PAM: variants seen among roughly 807,000 people sequenced by gnomAD.
PAM encodes peptidyl-glycine alpha-amidating monooxygenase.
Under a neutral mutation model 122.1 loss-of-function variants are expected in PAM, and 72 were observed. That is an observed-to-expected ratio of 0.59 (90% CI 0.49 to 0.72). The LOEUF (loss-of-function observed/expected upper bound fraction) is 0.72. Ranked by LOEUF, PAM falls within the 30% of genes least tolerant of loss-of-function variation. The pLI is 0.00. For missense variants in PAM, 1,106 were observed against 1,183.7 expected (o/e 0.93, Z 0.96); for synonymous variants, 389 against 404.4 (o/e 0.96, Z 0.46).
At chr5:102,794,486 T>C (rs1762852919) in intron 1 of PAM, among the ~76,000 whole-genome samples, 1 of 152,202 alleles carries the variant, frequency 6.6e-6, no homozygotes, top group African/African-American at 2.4e-5. Context: ...ATTAGTATTA[T>C]TGAATTAGCA....
intron 1 of PAM, among the ~76,000 whole-genome samples, chr5:102,812,542 T>C (rs1046525965): frequency 6.6e-6 from 1 of 152,146 alleles, no homozygotes; most frequent in African/African-American, 2.4e-5. Flanking sequence ...AATCATTTCC[T>C]GGAGAAAAAC....
At chr5:102,763,515 A>T (rs1323575924) in intron 1 of PAM, among the ~76,000 whole-genome samples, 2 of 152,208 alleles carry the variant, frequency 1.3e-5, no homozygotes, top group African/African-American at 4.8e-5. Flanking sequence ...CAACAACAAC[A>T]AATAATTATG....
At position 103,028,215 on chromosome 5, in the gene PAM, G is replaced by A. The variant is rs543056414; in HGVS notation, c.2720G>A (p.Gly907Glu). 2 of 1,612,628 alleles carry A rather than the reference G, an allele frequency of 1.2e-6. No individual in the cohort carries two copies. The highest frequency in any genetic ancestry group is 2.7e-5 in the African/African-American group (2 of 74,990). The change falls in exon 25 of 26, where the codon GGA becomes GAA. Residue 907 changes from glycine to glutamate, a missense_variant. Gly to Glu is a moderately conservative substitution (Grantham distance 98, BLOSUM62 -2). Coordinates refer to ENST00000438793, the MANE Select transcript of PAM (RefSeq NM_001177306.2). ...DSEHKLETSS[G>E]RVLGRFRGKG... ...GAACACAAACTCGAGACGAGTTCAGGAAGAGTACTGGGAAGATTTAGAGGT... is the reference window on the plus strand; with the variant it reads ...GAACACAAACTCGAGACGAGTTCAGAAAGAGTACTGGGAAGATTTAGAGGT...
chr5:102,819,001 T>G (rs1447774804), intron 1 of PAM, among the ~76,000 whole-genome samples: 1 of 152,174 alleles, frequency 6.6e-6, no homozygotes, highest in Non-Finnish European at 1.5e-5. Flanking sequence ...TAATTCTTGA[T>G]GCCAAAATAT....
At chr5:102,948,288 A>G in intron 8 of PAM, 90 bp from the exon 9 acceptor site, 1 of 648,730 alleles carries the variant, frequency 1.5e-6, no homozygotes, top group Non-Finnish European at 2.7e-6. Flanking sequence ...CACATTTTAT[A>G]AACCAAAGTA....
chr5:102,811,434 C>A (rs1311017057), intron 1 of PAM, among the ~76,000 whole-genome samples: 4 of 152,148 alleles, frequency 2.6e-5, no homozygotes, highest in Non-Finnish European at 5.9e-5. Context: ...TTCACTTTGC[C>A]ATCTCTCTGG....
At chr5:102,833,287 T>C (rs1457972618) in intron 1 of PAM, among the ~76,000 whole-genome samples, 1 of 152,194 alleles carries the variant, frequency 6.6e-6, no homozygotes, top group African/African-American at 2.4e-5. Context: ...TGCTTTGTGT[T>C]ATTTATAAAT....
At chr5:102,924,179 C>T (rs547533859) in intron 5 of PAM, among the ~76,000 whole-genome samples, 57 of 152,080 alleles carry the variant, frequency 3.7e-4, no homozygotes, top group South Asian at 6.2e-4. Context: ...CACCTGTAAT[C>T]CCAGCACTTT....
At chr5:102,965,501 C>G (rs1763826638) in intron 14 of PAM, among the ~76,000 whole-genome samples, 3 of 151,892 alleles carry the variant, frequency 2.0e-5, no homozygotes. Context: ...GATTCAGTGT[C>G]TTAAATTCCA....
chr5:102,990,698 G>A (rs1376354585), intron 16 of PAM, among the ~76,000 whole-genome samples: 1 of 152,140 alleles, frequency 6.6e-6, no homozygotes, highest in African/African-American at 2.4e-5. Flanking sequence ...TAACATTAAA[G>A]ATAGTTAAGC....
chr5:102,960,134 TA>T, intron 13 of PAM, 75 bp downstream of exon 13: 1 of 803,606 alleles, frequency 1.2e-6, no homozygotes, highest in Non-Finnish European at 2.0e-6. Context: ...TGTTTGATGA[TA>T]TTTAAAATCA....
At chr5:102,913,175 G>A (rs542944873) in intron 4 of PAM, among the ~76,000 whole-genome samples, 13 of 151,876 alleles carry the variant, frequency 8.6e-5, no homozygotes, top group Non-Finnish European at 1.2e-4. Context: ...TGATGAGAAC[G>A]CAAAAGGATG....
rs765588739 is a variant in PAM, at chr5:102,950,787, C to T, written c.872C>T (p.Thr291Ile). The T allele has an allele frequency of 4.3e-6, 7 of 1,610,282 alleles. No homozygotes were observed. In the South Asian group the frequency reaches 5.5e-5, roughly 13 times the overall value. Residue 291 changes from threonine to isoleucine, a missense_variant, in exon 12 of 26, where the codon ACT becomes ATT. Physicochemically the swap from Thr to Ile is moderately conservative, Grantham distance 89 (BLOSUM62 -1). This residue lies in a region of PAM where 670 missense variants were observed against 690.3 expected (regional missense o/e 0.97). Coordinates refer to ENST00000438793, the MANE Select transcript of PAM (RefSeq NM_001177306.2). ...CTACTGGCTGCAAGATGTGTATTCA[C>T]TGGTGAAGGAAGGACAGAAGCCACA... ...GDLLAARCVF[T>I]GEGRTEATHI...
intron 7 of PAM, among the ~76,000 whole-genome samples, chr5:102,944,130 C>A (rs1756194065): frequency 6.6e-6 from 1 of 152,094 alleles, no homozygotes; most frequent in South Asian, 2.1e-4. Context: ...ACAAAAGCTT[C>A]TTGTACATGC....
intron 1 of PAM, among the ~76,000 whole-genome samples, chr5:102,780,454 T>C (rs1758414157): frequency 6.6e-6 from 1 of 152,198 alleles, no homozygotes; most frequent in Non-Finnish European, 1.5e-5. Flanking sequence ...CTTGTGTTTT[T>C]ATGTAAAATG....
chr5:102,782,717 CTCTCTCTCTGTG>C (rs1759335707), intron 1 of PAM, among the ~76,000 whole-genome samples: 1 of 146,766 alleles, frequency 6.8e-6, no homozygotes, highest in African/African-American at 2.6e-5. Context: ...CTCTCTCTCT[CTCTCTCTCTGTG>C]TGTGTGTGTG....
intron 5 of PAM, among the ~76,000 whole-genome samples, chr5:102,919,656 C>G (rs1581697190): frequency 6.6e-6 from 1 of 152,124 alleles, no homozygotes; most frequent in East Asian, 1.9e-4. Context: ...AATGTTTAGA[C>G]ATAAATTACT....
chr5:102,984,839 C>G (rs1286752517), intron 15 of PAM, among the ~76,000 whole-genome samples: 1 of 152,066 alleles, frequency 6.6e-6, no homozygotes, highest in Non-Finnish European at 1.5e-5. Flanking sequence ...GGCCATAAAA[C>G]AAGTCTCAAC....
chr5:102,770,331 T>C (rs531688108), intron 1 of PAM, among the ~76,000 whole-genome samples: 1 of 152,238 alleles, frequency 6.6e-6, no homozygotes, highest in South Asian at 2.1e-4. Context: ...ATTTGACTTC[T>C]TTCTTTTCAA....
Sources: gnomAD v4.1 joint callset for allele counts (sites outside exome capture counted in the v4.1 genomes callset) on GRCh38, gnomAD v4.1.1 for gene constraint, gnomAD v4.1.1 regional missense constraint, MANE v1.5 for transcripts, NCBI Gene and HGNC (gene_info 2026-07-23, HGNC 2026-07-21) for gene names.